Variants in THEM4 observed in about 807,000 individuals in gnomAD.
THEM4 encodes acyl-coenzyme A thioesterase THEM4.
A neutral mutation model predicts 25.0 loss-of-function variants in THEM4; 22 were observed. That is an observed-to-expected ratio of 0.88 (90% CI 0.63 to 1.26). The LOEUF (loss-of-function observed/expected upper bound fraction) is 1.26. THEM4 is among the 50% of genes most tolerant of loss of function. The probability of loss-of-function intolerance (pLI) is 0.00; values close to 1 mark genes in which losing one functional copy is unlikely to be tolerated. For missense variants in THEM4, 286 were observed against 300.3 expected (o/e 0.95, Z 0.35); for synonymous variants, 113 against 105.6 (o/e 1.07, Z -0.43).
rs948230865 is a variant in THEM4, at chr1:151,874,479, A to G, written c.*409T>C. The G allele has an allele frequency of 3.5e-5, 6 of 169,248 alleles. No homozygotes were observed. Among genetic ancestry groups the G allele is most frequent in the Admixed American group, 6.1e-5 (1 of 16,456 alleles). 10.5% of individuals were successfully genotyped at this position (169,248 alleles called of 1,614,324 possible). Reference sequence around the variant, plus strand: ...AACCTCTTCCTCCTGGGTTCAAGCAATTCTCCTGCCTCAGCCTCCTGAGTA... The same window carrying G: ...AACCTCTTCCTCCTGGGTTCAAGCAGTTCTCCTGCCTCAGCCTCCTGAGTA... On this transcript the variant is annotated 3_prime_UTR_variant, in exon 6 of 6. Coordinates refer to ENST00000368814, the MANE Select transcript of THEM4 (RefSeq NM_053055.5).
intron 4 of THEM4, among the ~76,000 whole-genome samples, chr1:151,884,728 G>A (rs933261656): frequency 7.6e-5 from 11 of 145,538 alleles, no homozygotes; most frequent in Non-Finnish European, 1.0e-4. Context: ...TCACTCTGTC[G>A]CCCAGGCTGG....
At position 151,909,417 on chromosome 1, in the gene THEM4, A is replaced by G. The variant is rs751879394; in HGVS notation, c.42T>C (p.Ala14=). The G allele has an allele frequency of 6.0e-6, 9 of 1,489,316 alleles. No homozygotes were observed. The highest frequency in any genetic ancestry group is 8.0e-6 in the Non-Finnish European group (9 of 1,127,094). 92.3% of individuals were successfully genotyped at this position (1,489,316 alleles called of 1,614,324 possible). The change falls in exon 1 of 6, where the codon GCT becomes GCC. Residue 14 remains alanine, a synonymous_variant. Coordinates refer to ENST00000368814, the MANE Select transcript of THEM4 (RefSeq NM_053055.5). ...SCAARLRTLG[A]LCLPPVGRRL... ...GCCGGCCTACTGGCGGCAGGCACAG[A>G]GCCCCCAGCGTGCGGAGGCGCGCGG...
At chr1:151,906,608 G>A (rs1654474516) in intron 1 of THEM4, among the ~76,000 whole-genome samples, 1 of 152,242 alleles carries the variant, frequency 6.6e-6, no homozygotes, top group East Asian at 1.9e-4. Context: ...CCTGAGTCTA[G>A]TGGGAACTTG....
At chr1:151,906,880 G>C (rs1050564327) in intron 1 of THEM4, among the ~76,000 whole-genome samples, 1 of 152,180 alleles carries the variant, frequency 6.6e-6, no homozygotes, top group Non-Finnish European at 1.5e-5. Context: ...TCAGGGCCCT[G>C]TCAAAACAGA....
intron 1 of THEM4, among the ~76,000 whole-genome samples, chr1:151,903,484 T>C (rs990376029): frequency 1.3e-5 from 2 of 152,224 alleles, no homozygotes; most frequent in African/African-American, 2.4e-5. Flanking sequence ...TTAAGGTAGA[T>C]ATTTAAATTA....
chr1:151,896,580 G>A (rs1359877824), intron 1 of THEM4, among the ~76,000 whole-genome samples: 2 of 152,182 alleles, frequency 1.3e-5, no homozygotes, highest in African/African-American at 2.4e-5. Flanking sequence ...TTATTAGGGT[G>A]CAAGAATAGG....
At position 151,903,461 on chromosome 1, in the gene THEM4, A is replaced by G. The variant is rs373771563; in HGVS notation, c.99+5899T>C. Among the ~76,000 whole-genome samples the G allele has an allele frequency of 2.0e-5, 3 of 152,352 alleles. No homozygotes were observed. In the East Asian group the frequency reaches 5.8e-4, roughly 29 times the overall value. ...AAATAGTCCATTAAACTGATATACT[A>G]TATAATTAGCCATTAAGGTAGATAT... On this transcript the variant is annotated intron_variant, in intron 1 of 5. Transcript: ENST00000368814.
chr1:151,883,930 C>A (rs1201238873), intron 4 of THEM4, among the ~76,000 whole-genome samples: 1 of 151,900 alleles, frequency 6.6e-6, no homozygotes, highest in African/African-American at 2.4e-5. Flanking sequence ...CAAAAATTAG[C>A]CGGGTATGGT....
At chr1:151,898,177 T>C (rs776349832) in intron 1 of THEM4, among the ~76,000 whole-genome samples, 50 of 151,822 alleles carry the variant, frequency 3.3e-4, no homozygotes, top group South Asian at 6.2e-4. Context: ...AGCTGGGAGG[T>C]GGAAAGCCTC....
intron 4 of THEM4, among the ~76,000 whole-genome samples, chr1:151,887,632 GTGTT>G (rs1475804255): frequency 6.6e-6 from 1 of 151,862 alleles, no homozygotes; most frequent in Non-Finnish European, 1.5e-5. Context: ...GTGTGTGTGT[GTGTT>G]TTTGTTGTTG....
chr1:151,898,682 T>C (rs1654277207), intron 1 of THEM4, among the ~76,000 whole-genome samples: 1 of 152,214 alleles, frequency 6.6e-6, no homozygotes, highest in Non-Finnish European at 1.5e-5. Flanking sequence ...CAGAGTCCAC[T>C]GCACCCTCTG....
At position 151,909,493 on chromosome 1, in the gene THEM4, C is replaced by T. The variant is rs1289415421; in HGVS notation, c.-35G>A. On this transcript the variant is annotated 5_prime_UTR_variant, in exon 1 of 6. Transcript: ENST00000368814. ...CCGCGGGGCCGCGCTTGCTCTAGCC[C>T]TGGACGGCGCACTCTACCTCCGCCA... is the stretch of plus-strand genomic sequence containing the variant. 2.3e-5 allele frequency: 31 copies of T among 1,342,176 alleles called. No homozygotes were observed. The highest frequency in any genetic ancestry group is 3.0e-5 in the Non-Finnish European group (31 of 1,049,984). 83.1% of individuals were successfully genotyped at this position (1,342,176 alleles called of 1,614,324 possible).
At chr1:151,905,743 A>G (rs1654444736) in intron 1 of THEM4, among the ~76,000 whole-genome samples, 1 of 152,190 alleles carries the variant, frequency 6.6e-6, no homozygotes, top group Non-Finnish European at 1.5e-5. Context: ...TGCAAGTTTT[A>G]TGAGTTTATA....
rs1653566744 is a variant in THEM4 at position 151,872,128 on chromosome 1, G to C, written c.*2760C>G. On this transcript the variant is annotated 3_prime_UTR_variant, in exon 6 of 6. Transcript: ENST00000368814. The stretch of plus-strand genomic sequence containing the variant: ...GAATTTCTGGGAGAAGGAACTGCCA[G>C]CTTCACCCCTGCAGTGCCCCCATGT... Among the ~76,000 whole-genome samples the C allele has an allele frequency of 6.6e-6, 1 of 151,650 alleles. No homozygotes were observed. Among genetic ancestry groups the C allele is most frequent in the Non-Finnish European group, 1.5e-5 (1 of 68,042 alleles).
intron 1 of THEM4, among the ~76,000 whole-genome samples, chr1:151,895,508 G>A (rs759741576): frequency 4.6e-5 from 7 of 152,082 alleles, no homozygotes; most frequent in Non-Finnish European, 1.0e-4. Context: ...ACTGGAGATG[G>A]AGGTTAAGAA....
In THEM4 at chr1:151,873,692, G is replaced by C. The variant is rs1267646454; in HGVS notation, c.*1196C>G. The C allele has an allele frequency of 2.0e-5, 3 of 152,200 alleles. No homozygotes were observed. The highest frequency in any genetic ancestry group is 7.2e-5 in the African/African-American group (3 of 41,442). The allele number at this position is 152,200 out of a possible 1,614,324, so 9.4% of individuals were successfully genotyped here. Reference sequence around the variant, plus strand: ...ATTATGACTGGTTTCCTTATAAAAAGAGGAGACTTGGACACAGAGATAGAT... The same window carrying C: ...ATTATGACTGGTTTCCTTATAAAAACAGGAGACTTGGACACAGAGATAGAT... On this transcript the variant is annotated 3_prime_UTR_variant, in exon 6 of 6. Transcript: ENST00000368814.
intron 3 of THEM4, among the ~76,000 whole-genome samples, chr1:151,888,727 C>CT (rs1654022643): frequency 6.6e-6 from 1 of 152,090 alleles, no homozygotes; most frequent in Admixed American, 6.5e-5. Context: ...ACTCGGGAGA[C>CT]TGAGGTGAGA....
rs370156823 is a variant in THEM4 at position 151,890,554 on chromosome 1, G to C, written c.287-1181C>G. The C allele has an allele frequency of 5.1e-5, 9 of 175,650 alleles. No homozygotes were observed. The East Asian group carries it at 1.1e-3, about 21-fold the overall frequency. 10.9% of individuals were successfully genotyped at this position (175,650 alleles called of 1,614,324 possible). A position where few individuals can be genotyped will look rare whatever the true frequency, so the allele number is the denominator to read the frequency against. The stretch of plus-strand genomic sequence containing the variant: ...ACAGATGAGAAGATCCAGGAGAAGT[G>C]GGGAGAGGGACAGGAAGGATGCATT... On this transcript the variant is annotated intron_variant, in intron 2 of 5. Coordinates refer to ENST00000368814, the MANE Select transcript of THEM4 (RefSeq NM_053055.5).
chr1:151,906,927 G>A (rs1654482196), intron 1 of THEM4, among the ~76,000 whole-genome samples: 1 of 152,136 alleles, frequency 6.6e-6, no homozygotes, highest in South Asian at 2.1e-4. Flanking sequence ...TGTGGGTGGG[G>A]CCAGATAAGA....
Sources: gnomAD v4.1 joint callset for allele counts (sites outside exome capture counted in the v4.1 genomes callset) on GRCh38, gnomAD v4.1.1 for gene constraint, MANE v1.5 for transcripts, NCBI Gene and HGNC (gene_info 2026-07-23, HGNC 2026-07-21) for gene names.